The following PLPBP variants were observed in gnomAD, a reference collection of about 807,000 sequenced individuals.
PLPBP encodes the protein pyridoxal phosphate homeostasis protein.
PLPBP carries 21 observed loss-of-function variants against 31.2 expected under a neutral mutation model. That is an observed-to-expected ratio of 0.67 (90% CI 0.48 to 0.97). The LOEUF (loss-of-function observed/expected upper bound fraction) is 0.97, where lower values mean the gene tolerates loss of function less well. PLPBP is among the 50% of genes least tolerant of loss of function. The probability of loss-of-function intolerance (pLI) is 0.00; values close to 1 mark genes in which losing one functional copy is unlikely to be tolerated. For missense variants in PLPBP, 308 were observed against 354.4 expected, an observed-to-expected ratio of 0.87 and a Z score of 1.05; for synonymous variants, 124 against 135.6, an observed-to-expected ratio of 0.91 and a Z score of 0.59.
intron 5 of PLPBP, among the ~76,000 whole-genome samples, chr8:37,773,764 C>T (rs1480189885): frequency 6.6e-6 from 1 of 152,100 alleles, no homozygotes; most frequent in Admixed American, 6.5e-5. Context: ...CCACTGCACC[C>T]GGCCTGGGAT....
intron 6 of PLPBP, 69 bp downstream of exon 6, chr8:37,775,550 G>T: frequency 1.9e-6 from 3 of 1,595,456 alleles, no homozygotes; most frequent in Admixed American, 1.7e-5. Flanking sequence ...TTGCAGGGCT[G>T]GCTGCAGTGG....
intron 7 of PLPBP, among the ~76,000 whole-genome samples, chr8:37,776,478 CAA>C (rs915875297): frequency 9.4e-5 from 1 of 10,636 alleles, no homozygotes; most frequent in Non-Finnish European, 1.7e-4. Flanking sequence ...GACTCCATCT[CAA>C]AAAAAAAAAA....
intron 4 of PLPBP, among the ~76,000 whole-genome samples, chr8:37,771,443 T>C (rs1444217089): frequency 1.3e-5 from 2 of 151,618 alleles, no homozygotes; most frequent in Non-Finnish European, 2.9e-5. Flanking sequence ...CCTAGCCATC[T>C]CTGGCTAATT....
In PLPBP at chr8:37,774,352, T is replaced by G. The variant is rs142259222; in HGVS notation, c.455-987T>G. ...AGACCTTGGGTTTCAGCTACACTAC[T>G]TTCCAGTATTGTAACCTTGGATAAG... is the stretch of plus-strand genomic sequence containing the variant. On this transcript the variant is annotated intron_variant, in intron 5 of 7. Coordinates refer to ENST00000328195, the MANE Select transcript of PLPBP (RefSeq NM_007198.4). 5.5e-3 allele frequency among the ~76,000 whole-genome samples: 842 copies of G among 152,354 alleles called. 9 individuals are homozygous for G. The highest frequency in any genetic ancestry group is 0.02 in the African/African-American group (811 of 41,576).
chr8:37,773,034 G>A, intron 5 of PLPBP, 145 bp downstream of exon 5: 1 of 1,003,108 alleles, frequency 1.0e-6, no homozygotes, highest in Non-Finnish European at 1.5e-6. Flanking sequence ...TGTTTTATGT[G>A]TGATCTAGGT....
At chr8:37,765,769 T>G (rs1337357866) in intron 3 of PLPBP, 23 bp downstream of exon 3, 2 of 1,604,104 alleles carry the variant, frequency 1.2e-6, no homozygotes, top group Non-Finnish European at 1.7e-6. Flanking sequence ...CTGAATTCTT[T>G]AATTTGTATC....
chr8:37,765,586 G>A lies in PLPBP; in HGVS notation c.160G>A (p.Val54Met). 6.2e-7 allele frequency: 1 copy of A among 1,614,142 alleles called. No homozygotes were observed. Among genetic ancestry groups the A allele is most frequent in the South Asian group, 1.1e-5 (1 of 91,078 alleles). Residue 54 changes from valine to methionine, a missense_variant, in exon 2 of 8, where the codon GTG becomes ATG. By Grantham distance (21) the Val-to-Met change is conservative. Around this residue, in one of 2 missense-constraint regions of PLPBP, gnomAD observed 120 missense variants for 95.1 expected, o/e 1.26. Transcript: ENST00000328195. ...AVSKTKPADMVIEAYGHGQRT... is the reference protein window; with the variant it reads ...AVSKTKPADMMIEAYGHGQRT... Reference sequence around the variant, plus strand: ...CAGCAAAACCAAACCTGCAGACATGGTGATCGAGGCCTATGGACATGGGCA... The same window carrying A: ...CAGCAAAACCAAACCTGCAGACATGATGATCGAGGCCTATGGACATGGGCA...
Position 37,778,077 on chromosome 8 carries a change from C to G in PLPBP, c.801C>G (p.Ala267=), listed in dbSNP as rs375421178. The change falls in exon 8 of 8, where the codon GCC becomes GCG. Residue 267 remains alanine (A), a synonymous_variant. Coordinates refer to ENST00000328195, the MANE Select transcript of PLPBP (RefSeq NM_007198.4). ...ACAAGTGCGCAGCAGACGTGAAGGC[C>G]CCGCTGGAGGTGGCACAGGAGCACT... is the stretch of plus-strand genomic sequence containing the variant. ...TPDKCAADVK[A]PLEVAQEH The G allele has an allele frequency of 3.7e-6, 6 of 1,613,554 alleles. No homozygotes were observed. Among genetic ancestry groups the G allele is most frequent in the Non-Finnish European group, 5.1e-6 (6 of 1,179,620 alleles).
chr8:37,765,759 CTGAATTCTTTAATT>C lies in PLPBP; in HGVS notation c.243+16_243+29del. 4.4e-6 allele frequency: 7 copies of C among 1,606,538 alleles called. No homozygotes were observed. The highest frequency in any genetic ancestry group is 5.9e-6 in the Non-Finnish European group (7 of 1,178,122). On this transcript the variant is annotated intron_variant, in intron 3 of 7. Coordinates refer to ENST00000328195, the MANE Select transcript of PLPBP (RefSeq NM_007198.4). ...ATCAAATCCCAAAGTAAGTAGATAG[CTGAATTCTTTAATT>C]TGTATCTAAATCTTGGCTCTTTAGT... is the stretch of plus-strand genomic sequence containing the variant.
At chr8:37,776,246 G>A (rs1803905585) in intron 7 of PLPBP, among the ~76,000 whole-genome samples, 1 of 152,158 alleles carries the variant, frequency 6.6e-6, no homozygotes, top group Non-Finnish European at 1.5e-5. Flanking sequence ...GGGAGGCCGA[G>A]CCGGGCAGAT....
rs943255610 is a variant in PLPBP, at chr8:37,766,249, G to C, written c.244-31G>C. 3.8e-6 allele frequency: 6 copies of C among 1,566,884 alleles called. 1 individual carries two copies. The highest frequency in any genetic ancestry group is 3.7e-5 in the Admixed American group (2 of 54,394). On this transcript the variant is annotated intron_variant, in intron 3 of 7. Transcript: ENST00000328195. ...AGCCAGCAAGGCCTCTATAAAATCTGAATTACACATGGTTACCTTTTTCCC... is the reference window on the plus strand; with the variant it reads ...AGCCAGCAAGGCCTCTATAAAATCTCAATTACACATGGTTACCTTTTTCCC...
chr8:37,765,396 T>G, intron 1 of PLPBP, 130 bp from the exon 2 acceptor site: 1 of 818,160 alleles, frequency 1.2e-6, no homozygotes, highest in Non-Finnish European at 2.0e-6. Flanking sequence ...GCCTACAGTG[T>G]TGAAAAAATG....
chr8:37,764,071 C>CTTTT (rs111913973), intron 1 of PLPBP, among the ~76,000 whole-genome samples: 23 of 126,836 alleles, frequency 1.8e-4, no homozygotes, highest in South Asian at 2.6e-4. Context: ...TCTTTTCTTT[C>CTTTT]TTTTTTTTTT....
intron 1 of PLPBP, 41 bp from the exon 2 acceptor site, chr8:37,765,482 CTGT>C (rs1343943406): frequency 6.4e-7 from 1 of 1,553,388 alleles, no homozygotes; most frequent in Admixed American, 1.7e-5. Flanking sequence ...CATTGGGGTA[CTGT>C]TCCCAAACAT....
At chr8:37,772,688 T>A in intron 4 of PLPBP, 67 bp from the exon 5 acceptor site, 1 of 1,567,858 alleles carries the variant, frequency 6.4e-7, no homozygotes, top group Admixed American at 1.7e-5. Context: ...AAGTCAGAGA[T>A]TTGTTGCATG....
In PLPBP at chr8:37,762,687, G is replaced by A. The variant is rs779152049; in HGVS notation, c.28G>A (p.Glu10Lys). The stretch of plus-strand genomic sequence containing the variant: ...GTGGAGAGCTGGCAGCATGTCGGCC[G>A]AGCTGGGAGTCGGGTGCGCATTGCG... MWRAGSMSA[E>K]LGVGCALRAV... The change falls in exon 1 of 8, where the codon GAG (glutamate) becomes AAG (lysine). Residue 10 changes from glutamate to lysine, a missense_variant. Transcript: ENST00000328195. 1.3e-6 allele frequency: 2 copies of A among 1,590,002 alleles called. No individual in the cohort carries two copies. Among genetic ancestry groups the A allele is most frequent in the African/African-American group, 1.3e-5 (1 of 74,854 alleles).
intron 6 of PLPBP, 137 bp from the exon 7 acceptor site, chr8:37,775,781 C>A: frequency 1.0e-6 from 1 of 969,438 alleles, no homozygotes; most frequent in Non-Finnish European, 1.6e-6. Flanking sequence ...AAAACCCTTT[C>A]AGTAACGTCT....
chr8:37,778,889 C>T lies in PLPBP; in HGVS notation c.*785C>T, dbSNP rs1803985673. On this transcript the variant is annotated 3_prime_UTR_variant, in exon 8 of 8. Coordinates refer to ENST00000328195, the MANE Select transcript of PLPBP (RefSeq NM_007198.4). The stretch of plus-strand genomic sequence containing the variant: ...CCCAGGAGTTTGAGGCTGCAGTGAG[C>T]TATGATTGCACCACTGTACTCCTGC... 1 of 150,800 alleles carries T rather than the reference C, an allele frequency of 6.6e-6. No homozygotes were observed. The highest frequency in any genetic ancestry group is 2.1e-4 in the South Asian group (1 of 4,758). 9.3% of individuals were successfully genotyped at this position (150,800 alleles called of 1,614,324 possible). A position where few individuals can be genotyped will look rare whatever the true frequency, so the allele number is the denominator to read the frequency against.
Position 37,778,125 on chromosome 8 carries a change from C to G in PLPBP, c.*21C>G. The G allele has an allele frequency of 1.2e-6, 2 of 1,610,294 alleles. No homozygotes were observed. Among genetic ancestry groups the G allele is most frequent in the South Asian group, 2.2e-5 (2 of 90,910 alleles). ...ACTGAGCCAGGGAATACTGAGAGCACTAACTATGCACTAACCTAGATTTTC... is the reference window on the plus strand; with the variant it reads ...ACTGAGCCAGGGAATACTGAGAGCAGTAACTATGCACTAACCTAGATTTTC... On this transcript the variant is annotated 3_prime_UTR_variant, in exon 8 of 8. Transcript: ENST00000328195.
Sources: gnomAD v4.1 joint callset for allele counts (sites outside exome capture counted in the v4.1 genomes callset) on GRCh38, gnomAD v4.1.1 for gene constraint, gnomAD v4.1.1 regional missense constraint, MANE v1.5 for transcripts, NCBI Gene and HGNC (gene_info 2026-07-23, HGNC 2026-07-21) for gene names.